The following MAGI2 variants were observed in gnomAD, a reference collection of about 807,000 sequenced individuals.
The protein encoded by MAGI2 is membrane associated guanylate kinase, WW and PDZ domain containing 2, also known as membrane-associated guanylate kinase, WW and PDZ domain-containing protein 2.
MAGI2 carries 35 observed loss-of-function variants against 133.3 expected under a neutral mutation model. That is an observed-to-expected ratio of 0.26 (90% CI 0.20 to 0.35). MAGI2 has a LOEUF of 0.35. MAGI2 is among the 10% of genes least tolerant of loss of function. The probability of loss-of-function intolerance (pLI) is 1.00; values close to 1 mark genes in which losing one functional copy is unlikely to be tolerated. For missense variants in MAGI2, 1,636 were observed against 1,863.4 expected (o/e 0.88, Z 2.25); for synonymous variants, 729 against 710.6 (o/e 1.03, Z -0.41).
chr7:79,079,835 C>T (rs986699220), intron 1 of MAGI2, among the ~76,000 whole-genome samples: 5 of 151,896 alleles, frequency 3.3e-5, no homozygotes, highest in East Asian at 3.9e-4. Flanking sequence ...AATGTATGCT[C>T]GTTAAAAAAA....
At chr7:78,429,681 T>C (rs1168646916) in intron 6 of MAGI2, among the ~76,000 whole-genome samples, 1 of 152,026 alleles carries the variant, frequency 6.6e-6, no homozygotes, top group East Asian at 1.9e-4. Flanking sequence ...AAGAAGGCTT[T>C]TTCTTTTTAA....
At chr7:79,002,184 TG>T (rs1436480454) in intron 2 of MAGI2, among the ~76,000 whole-genome samples, 1 of 151,224 alleles carries the variant, frequency 6.6e-6, no homozygotes, top group African/African-American at 2.4e-5. Context: ...CAGGCTGACA[TG>T]CAGTGGTGCA....
chr7:78,779,263 G>C (rs1826220104), intron 2 of MAGI2, among the ~76,000 whole-genome samples: 1 of 151,804 alleles, frequency 6.6e-6, no homozygotes, highest in Non-Finnish European at 1.5e-5. Flanking sequence ...TTTCCCCCAG[G>C]CTTGATCATT....
At chr7:78,735,944 G>C (rs768023931) in intron 2 of MAGI2, among the ~76,000 whole-genome samples, 2 of 152,144 alleles carry the variant, frequency 1.3e-5, no homozygotes, top group Non-Finnish European at 2.9e-5. Context: ...GAGGAAATAG[G>C]TTCCTTATAA....
At chr7:78,291,583 G>A (rs1368241736) in intron 9 of MAGI2, among the ~76,000 whole-genome samples, 2 of 152,162 alleles carry the variant, frequency 1.3e-5, no homozygotes, top group African/African-American at 2.4e-5. Flanking sequence ...CTCATTTTAT[G>A]AGGCCAGCAT....
chr7:78,914,104 C>A (rs766319463), intron 2 of MAGI2, among the ~76,000 whole-genome samples: 18 of 152,326 alleles, frequency 1.2e-4, no homozygotes, highest in Non-Finnish European at 2.2e-4. Flanking sequence ...AAATTACTCA[C>A]AAAGCCTCAG....
intron 1 of MAGI2, among the ~76,000 whole-genome samples, chr7:79,187,788 T>C (rs1193996844): frequency 2.0e-5 from 3 of 151,894 alleles, no homozygotes; most frequent in Admixed American, 2.0e-4. Flanking sequence ...TAAACACACA[T>C]ATTTTGTCAT....
chr7:78,883,823 C>T (rs959726520), intron 2 of MAGI2, among the ~76,000 whole-genome samples: 6 of 152,004 alleles, frequency 3.9e-5, no homozygotes, highest in Admixed American at 6.6e-5. Flanking sequence ...TAAAACTGGA[C>T]GTTTACATTT....
At chr7:78,208,445 C>G (rs910685659) in intron 10 of MAGI2, among the ~76,000 whole-genome samples, 1 of 152,066 alleles carries the variant, frequency 6.6e-6, no homozygotes, top group Non-Finnish European at 1.5e-5. Context: ...AAGGAATGGA[C>G]TGGAAGAGGA....
chr7:78,118,946 C>T (rs893115122), intron 20 of MAGI2, among the ~76,000 whole-genome samples: 3 of 152,190 alleles, frequency 2.0e-5, no homozygotes, highest in African/African-American at 7.2e-5. Context: ...ATCAGTAGTG[C>T]ATCCAGACAA....
chr7:78,420,680 T>C (rs1053006032), intron 6 of MAGI2, among the ~76,000 whole-genome samples: 1 of 152,172 alleles, frequency 6.6e-6, no homozygotes, highest in Non-Finnish European at 1.5e-5. Context: ...ATTGATTTCC[T>C]TCCATCCCTT....
chr7:79,379,383 C>G (rs1843628050), intron 1 of MAGI2, among the ~76,000 whole-genome samples: 1 of 151,892 alleles, frequency 6.6e-6, no homozygotes, highest in African/African-American at 2.4e-5. Flanking sequence ...TGGGTTGGTT[C>G]AAAGTCTTTG....
chr7:79,214,787 A>G (rs1307291462), intron 1 of MAGI2, among the ~76,000 whole-genome samples: 5 of 142,200 alleles, frequency 3.5e-5, no homozygotes, highest in Admixed American at 7.2e-5. Flanking sequence ...ATAAAAATAT[A>G]TATTAATATA....
intron 1 of MAGI2, among the ~76,000 whole-genome samples, chr7:79,293,744 C>T (rs149809386): frequency 1.2e-4 from 18 of 152,352 alleles, no homozygotes; most frequent in Non-Finnish European, 2.2e-4. Flanking sequence ...TCTATGCAGT[C>T]TGGCTCCAAA....
At chr7:78,319,295 AAAACAAACAAAAAAC>A (rs1046431262) in intron 9 of MAGI2, among the ~76,000 whole-genome samples, 3 of 94,134 alleles carry the variant, frequency 3.2e-5, no homozygotes, top group African/African-American at 1.3e-4. Flanking sequence ...ATGGAAAGCA[AAAACAAACAAAAAAC>A]AAACAAACAA....
chr7:78,356,063 T>C (rs1487525673), intron 7 of MAGI2, among the ~76,000 whole-genome samples: 2 of 152,174 alleles, frequency 1.3e-5, no homozygotes, highest in Non-Finnish European at 2.9e-5. Context: ...AAGGGTTGTC[T>C]TTCAGCTTCC....
rs191598378 is a variant in MAGI2, at chr7:79,030,964, G to A, written c.302-23758C>T. ...TGATTACTTTCACAAGTGGCTCTCA[G>A]GAACAGAATCTCAATAAATCACTGC... On this transcript the variant is annotated intron_variant, in intron 1 of 21. Transcript: ENST00000354212. Among the ~76,000 whole-genome samples, 86 of 152,230 alleles carry A rather than the reference G, an allele frequency of 5.6e-4. 1 individual carries two copies. The East Asian group carries it at 0.013, about 23-fold the overall frequency.
chr7:78,248,300 T>C (rs1192065885), intron 10 of MAGI2, among the ~76,000 whole-genome samples: 1 of 152,182 alleles, frequency 6.6e-6, no homozygotes, highest in African/African-American at 2.4e-5. Flanking sequence ...AGTACAACAT[T>C]CACTGATAAG....
chr7:78,578,663 G>C (rs931269664), intron 3 of MAGI2, among the ~76,000 whole-genome samples: 1 of 152,080 alleles, frequency 6.6e-6, no homozygotes, highest in African/African-American at 2.4e-5. Context: ...AAGGAGGACT[G>C]CTTTGAAGAT....
Sources: gnomAD v4.1 joint callset for allele counts (sites outside exome capture counted in the v4.1 genomes callset) on GRCh38, gnomAD v4.1.1 for gene constraint, MANE v1.5 for transcripts, NCBI Gene and HGNC (gene_info 2026-07-23, HGNC 2026-07-21) for gene names.